Variants in CD9 observed in about 807,000 individuals in gnomAD.
The protein encoded by CD9 is CD9 molecule.
In CD9, 10 loss-of-function variants were observed where a neutral mutation model predicts 31.4. The ratio of observed to expected loss-of-function variants is 0.32; its 90% CI spans 0.20 to 0.54. The LOEUF (loss-of-function observed/expected upper bound fraction) is 0.54, where lower values mean the gene tolerates loss of function less well. CD9 is among the 20% of genes least tolerant of loss of function. The pLI is 0.94. For synonymous variants in CD9, 113 were observed against 114.1 expected (o/e 0.99, Z 0.06); for missense variants, 259 against 300.1 (o/e 0.86, Z 1.01).
At chr12:6,202,807 C>G (rs936482335) in intron 1 of CD9, among the ~76,000 whole-genome samples, 30 of 152,232 alleles carry the variant, frequency 2.0e-4, no homozygotes, top group Admixed American at 7.9e-4. Flanking sequence ...CAGTCCAGCT[C>G]TCTTATTCAT....
intron 2 of CD9, among the ~76,000 whole-genome samples, chr12:6,230,505 G>GT (rs1199852790): frequency 2.6e-5 from 4 of 152,240 alleles, no homozygotes; most frequent in African/African-American, 9.6e-5. Flanking sequence ...CCACTCCACG[G>GT]TATTTCATGT....
intron 1 of CD9, among the ~76,000 whole-genome samples, chr12:6,217,472 A>T (rs1946254250): frequency 6.6e-6 from 1 of 152,212 alleles, no homozygotes; most frequent in Non-Finnish European, 1.5e-5. Context: ...CAGAGGTTGC[A>T]GTGAGCCAAG....
intron 1 of CD9, among the ~76,000 whole-genome samples, chr12:6,207,649 C>G (rs1194766978): frequency 1.3e-5 from 2 of 152,166 alleles, no homozygotes; most frequent in East Asian, 1.9e-4. Context: ...TGAGGACTTG[C>G]AGAAAGGAGG....
At chr12:6,217,944 G>T (rs886458077) in intron 1 of CD9, among the ~76,000 whole-genome samples, 8 of 152,182 alleles carry the variant, frequency 5.3e-5, no homozygotes, top group Non-Finnish European at 1.2e-4. Flanking sequence ...TAAAAAATGG[G>T]CTGGGTACAG....
Position 6,232,619 on chromosome 12 carries a change from T to C in CD9, c.176-13T>C, listed in dbSNP as rs1199310617. On this transcript the variant is annotated splice_polypyrimidine_tract_variant and intron_variant, in intron 2 of 7. Transcript: ENST00000009180. This position sits in a 1 kb window ranked among gnomAD's most constrained non-coding sequence, Gnocchi z 4.8. ...TGTCTCCACGCGTGTGTGCTTCCTC[T>C]GTCCTCCCGCAGGAGTCTATATTCT... 3.9e-6 allele frequency: 6 copies of C among 1,536,940 alleles called. No homozygotes were observed. The South Asian group carries it at 7.1e-5, about 18-fold the overall frequency.
At chr12:6,209,438 GA>G (rs1946168619) in intron 1 of CD9, among the ~76,000 whole-genome samples, 1 of 152,176 alleles carries the variant, frequency 6.6e-6, no homozygotes, top group Non-Finnish European at 1.5e-5. Context: ...CGTTCCTAGA[GA>G]CGGGAGGCCC....
chr12:6,233,148 C>T (rs975840496), intron 3 of CD9: 61 of 678,922 alleles, frequency 9.0e-5, no homozygotes, highest in Middle Eastern at 2.4e-4. Context: ...TCTTAACTAA[C>T]GCCTTGTAAA....
chr12:6,205,333 C>G (rs1029128506), intron 1 of CD9, among the ~76,000 whole-genome samples: 1 of 152,200 alleles, frequency 6.6e-6, no homozygotes, highest in Non-Finnish European at 1.5e-5. Context: ...CCTCTGCACA[C>G]GCTCACACTC....
intron 1 of CD9, among the ~76,000 whole-genome samples, chr12:6,218,407 C>G (rs1298641266): frequency 1.3e-5 from 2 of 152,162 alleles, no homozygotes; most frequent in Non-Finnish European, 1.5e-5. Context: ...GCAGTATGCC[C>G]TCCCCCACAC....
chr12:6,204,958 T>G (rs1946114747), intron 1 of CD9, among the ~76,000 whole-genome samples: 1 of 152,252 alleles, frequency 6.6e-6, no homozygotes, highest in Non-Finnish European at 1.5e-5. Context: ...CTCATTTGGC[T>G]GCGGGAAGGC....
chr12:6,218,040 C>A (rs375249997), intron 1 of CD9, among the ~76,000 whole-genome samples: 4 of 152,110 alleles, frequency 2.6e-5, no homozygotes, highest in African/African-American at 9.7e-5. Context: ...GCCTGGACAA[C>A]ATGGGGAAAC....
intron 1 of CD9, among the ~76,000 whole-genome samples, chr12:6,209,679 CTTTTTTTT>C (rs71064199): frequency 3.2e-4 from 43 of 132,622 alleles, no homozygotes; most frequent in East Asian, 1.3e-3. Flanking sequence ...CTGCAAATTT[CTTTTTTTT>C]TTTTTTTTTT....
chr12:6,230,685 A>G (rs1946432419), intron 2 of CD9, among the ~76,000 whole-genome samples: 1 of 152,224 alleles, frequency 6.6e-6, no homozygotes, highest in African/African-American at 2.4e-5. Context: ...CCTCTTACCC[A>G]GTGCTCCATG....
At chr12:6,207,172 A>G (rs549436933) in intron 1 of CD9, among the ~76,000 whole-genome samples, 1 of 152,208 alleles carries the variant, frequency 6.6e-6, no homozygotes, top group East Asian at 1.9e-4. Flanking sequence ...GTGAGCCACC[A>G]CGCCCAGCCT....
chr12:6,226,912 A>AG (rs750072853), intron 2 of CD9, among the ~76,000 whole-genome samples: 16 of 152,134 alleles, frequency 1.1e-4, no homozygotes, highest in Non-Finnish European at 2.2e-4. Context: ...TCCACACTCC[A>AG]CGCCGTGTTC....
chr12:6,231,617 G>A (rs1273265120), intron 2 of CD9, among the ~76,000 whole-genome samples: 2 of 152,216 alleles, frequency 1.3e-5, no homozygotes, highest in Non-Finnish European at 1.5e-5. Flanking sequence ...GTTGTGGAAC[G>A]AATGGGGCCA....
intron 1 of CD9, among the ~76,000 whole-genome samples, chr12:6,205,730 A>ATTGTGTCAATT (rs1946123477): frequency 6.6e-6 from 1 of 152,182 alleles, no homozygotes; most frequent in African/African-American, 2.4e-5. Flanking sequence ...GGATTGACAA[A>ATTGTGTCAATT]GGCGCCTTTT....
chr12:6,233,615 G>C (rs552339318), intron 4 of CD9, 129 bp downstream of exon 4: 1 of 711,508 alleles, frequency 1.4e-6, no homozygotes, highest in African/African-American at 1.8e-5. Flanking sequence ...ATCTCATCGC[G>C]TCCCTGTGTG....
At chr12:6,222,347 C>A (rs535462506) in intron 1 of CD9, among the ~76,000 whole-genome samples, 5 of 152,336 alleles carry the variant, frequency 3.3e-5, no homozygotes, top group African/African-American at 1.2e-4. Flanking sequence ...ATGCCCCTGG[C>A]CCTCCCTTTT....
Sources: allele counts gnomAD v4.1 joint callset (sites outside exome capture counted in the v4.1 genomes callset), GRCh38; gene constraint gnomAD v4.1.1; non-coding constraint Gnocchi (gnomAD v3.1); transcripts MANE v1.5; gene names NCBI Gene and HGNC (gene_info 2026-07-23, HGNC 2026-07-21).